The following TET3 variants were observed in gnomAD, a reference collection of about 807,000 sequenced individuals.
The protein encoded by TET3 is methylcytosine dioxygenase TET3.
In TET3, 19 loss-of-function variants were observed where a neutral mutation model predicts 141.4. The observed-to-expected ratio is 0.13, with a 90% CI of 0.09 to 0.20. TET3 has a LOEUF of 0.20. Among genes scored for constraint, TET3 ranks in the 10% least tolerant of loss-of-function variants. The probability of loss-of-function intolerance (pLI) is 1.00; values close to 1 mark genes in which losing one functional copy is unlikely to be tolerated. For missense variants in TET3, 1,874 were observed against 2,356.9 expected, an observed-to-expected ratio of 0.80 and a Z score of 4.24; for synonymous variants, 1,043 against 980.9, an observed-to-expected ratio of 1.06 and a Z score of -1.18.
At chr2:74,053,002 T>C (rs2103748247) in intron 4 of TET3, among the ~76,000 whole-genome samples, 1 of 152,278 alleles carries the variant, frequency 6.6e-6, no homozygotes, top group Non-Finnish European at 1.5e-5. Context: ...AAATGATGGG[T>C]TTCTGAAGGT....
At chr2:74,033,894 G>C (rs1470795692) in intron 3 of TET3, among the ~76,000 whole-genome samples, 1 of 152,062 alleles carries the variant, frequency 6.6e-6, no homozygotes. Flanking sequence ...TCAGGAATTC[G>C]AGACCAGCCT....
At chr2:74,025,241 A>G (rs978697015) in intron 3 of TET3, among the ~76,000 whole-genome samples, 1 of 150,458 alleles carries the variant, frequency 6.6e-6, no homozygotes, top group Non-Finnish European at 1.5e-5. Flanking sequence ...AAAAAAAAAA[A>G]GTAAGTAGCA....
intron 6 of TET3, among the ~76,000 whole-genome samples, chr2:74,082,527 C>T (rs1689888751): frequency 6.6e-6 from 1 of 151,580 alleles, no homozygotes; most frequent in African/African-American, 2.4e-5. Context: ...GAGGGTGGGA[C>T]TTCCCATGTC....
At chr2:74,032,476 T>G (rs1686788687) in intron 3 of TET3, among the ~76,000 whole-genome samples, 1 of 149,470 alleles carries the variant, frequency 6.7e-6, no homozygotes, top group Non-Finnish European at 1.5e-5. Flanking sequence ...TGTGTGTGTG[T>G]GTGTGTGTGT....
chr2:74,100,307 A>C, intron 11 of TET3, 86 bp from the exon 12 acceptor site: 1 of 1,341,854 alleles, frequency 7.5e-7, no homozygotes, highest in South Asian at 1.4e-5. Context: ...GGAAAGAGGG[A>C]GGGTCCATCC....
chr2:74,033,723 T>C (rs531225505), intron 3 of TET3, among the ~76,000 whole-genome samples: 2 of 152,312 alleles, frequency 1.3e-5, no homozygotes, highest in African/African-American at 4.8e-5. Context: ...AATGTGTACA[T>C]ACCTTAATTT....
chr2:74,060,755 G>A (rs1167783840), intron 4 of TET3, among the ~76,000 whole-genome samples: 5 of 152,174 alleles, frequency 3.3e-5, no homozygotes, highest in African/African-American at 4.8e-5. Flanking sequence ...TCAAGCATCT[G>A]TTTAACAAAG....
downstream of TET3, among the ~76,000 whole-genome samples, chr2:74,111,287 G>T (rs1033763434): frequency 6.6e-6 from 1 of 152,136 alleles, no homozygotes; most frequent in Non-Finnish European, 1.5e-5. Flanking sequence ...TGACCCTAAT[G>T]CCAATGATTT....
At chr2:74,092,305 A>G (rs1484929267) in intron 8 of TET3, among the ~76,000 whole-genome samples, 4 of 147,790 alleles carry the variant, frequency 2.7e-5, no homozygotes, top group African/African-American at 7.4e-5. Flanking sequence ...TGTCTCAAAG[A>G]AAAAAAAAAA....
chr2:74,030,482 G>T (rs189427379), intron 3 of TET3, among the ~76,000 whole-genome samples: 246 of 152,234 alleles, frequency 1.6e-3, no homozygotes, highest in African/African-American at 5.7e-3. Flanking sequence ...TGTGTGGAAA[G>T]ATTTTTTTTA....
intron 4 of TET3, among the ~76,000 whole-genome samples, chr2:74,062,408 G>A (rs945300541): frequency 2.6e-5 from 4 of 152,190 alleles, no homozygotes; most frequent in Non-Finnish European, 4.4e-5. Context: ...TTAAATGACA[G>A]TTATTTTTCT....
intron 4 of TET3, among the ~76,000 whole-genome samples, chr2:74,061,662 G>T (rs561265392): frequency 6.7e-6 from 1 of 150,002 alleles, no homozygotes; most frequent in Non-Finnish European, 1.5e-5. Flanking sequence ...CTTCCCAGAC[G>T]GGGTGGCTGC....
intron 3 of TET3, among the ~76,000 whole-genome samples, chr2:74,039,538 A>G (rs1057513171): frequency 6.6e-6 from 1 of 152,204 alleles, no homozygotes. Context: ...TCAGGCAACA[A>G]ATCACCCCAA....
At chr2:74,033,143 C>T (rs1364339938) in intron 3 of TET3, among the ~76,000 whole-genome samples, 1 of 152,210 alleles carries the variant, frequency 6.6e-6, no homozygotes, top group African/African-American at 2.4e-5. Context: ...TTTGCAGTTT[C>T]AGGTGTTTTA....
chr2:74,057,958 T>G lies in TET3; in HGVS notation c.2494+9547T>G, dbSNP rs192532454. Among the ~76,000 whole-genome samples, 35 of 152,200 alleles carry G rather than the reference T, an allele frequency of 2.3e-4. No homozygotes were observed. In the East Asian group the frequency reaches 6.6e-3, roughly 28 times the overall value. On this transcript the variant is annotated intron_variant, in intron 4 of 11. Transcript: ENST00000409262. ...AATACTTAAGCTAAAAAAAGAAAAT[T>G]TACATGAGAAAATACAGGAATTGTT...
At chr2:74,080,216 G>A (rs922914337) in intron 5 of TET3, among the ~76,000 whole-genome samples, 1 of 152,206 alleles carries the variant, frequency 6.6e-6, no homozygotes, top group African/African-American at 2.4e-5. Flanking sequence ...CGGAGGTAAC[G>A]ATCAGGGACA....
chr2:74,001,014 AGGAG>A (rs1367026514), intron 2 of TET3, among the ~76,000 whole-genome samples: 3 of 152,118 alleles, frequency 2.0e-5, no homozygotes, highest in Non-Finnish European at 4.4e-5. Context: ...ACCAGGATAA[AGGAG>A]GGACTCCACT....
At chr2:74,115,169 A>G in the TET3 span, among the ~76,000 whole-genome samples, 1 of 152,198 alleles carries the variant, frequency 6.6e-6, no homozygotes, top group African/African-American at 2.4e-5. Context: ...TAAAAAGGCA[A>G]TCTACAGAAT....
rs967820600 is a variant in TET3 at position 74,100,468 on chromosome 2, G to C, written c.3680G>C (p.Ser1227Thr). 35 of 1,590,894 alleles carry C rather than the reference G, an allele frequency of 2.2e-5. 1 individual carries two copies. In the East Asian group the frequency reaches 8.0e-4, roughly 37 times the overall value. The change falls in exon 12 of 12, where the codon AGC becomes ACC. Residue 1227 changes from serine to threonine, a missense_variant. This residue lies in a region of TET3 where 602 missense variants were observed against 590.2 expected (regional missense o/e 1.02). Coordinates refer to ENST00000409262, the MANE Select transcript of TET3 (RefSeq NM_001287491.2). Reference sequence around the variant, plus strand: ...AAGGTGGAGCCGCAGAACCACTTCAGCTCCTTCAAGTACAGCGGCAACGCG... The same window carrying C: ...AAGGTGGAGCCGCAGAACCACTTCACCTCCTTCAAGTACAGCGGCAACGCG... ...SLKVEPQNHF[S>T]SFKYSGNAVV...
Sources: allele counts gnomAD v4.1 joint callset (sites outside exome capture counted in the v4.1 genomes callset), GRCh38; gene constraint gnomAD v4.1.1; regional missense constraint gnomAD v4.1.1; transcripts MANE v1.5; gene names NCBI Gene and HGNC (gene_info 2026-07-23, HGNC 2026-07-21).